SBNO1: variants seen among roughly 807,000 people sequenced by gnomAD.
SBNO1 encodes strawberry notch homolog 1, also known as protein strawberry notch homolog 1.
A neutral mutation model predicts 173.6 loss-of-function variants in SBNO1; 23 were observed. The observed-to-expected ratio is 0.13, with a 90% CI of 0.10 to 0.19. The LOEUF (loss-of-function observed/expected upper bound fraction) is 0.19. Among genes scored for constraint, SBNO1 ranks in the 10% least tolerant of loss-of-function variants. The pLI is 1.00. For synonymous variants in SBNO1, 632 were observed against 571.5 expected, an observed-to-expected ratio of 1.11 and a Z score of -1.51; for missense variants, 1,238 against 1,671.2, an observed-to-expected ratio of 0.74 and a Z score of 4.52.
chr12:123,352,947 G>A (rs1265783793), intron 1 of SBNO1, among the ~76,000 whole-genome samples: 3 of 152,186 alleles, frequency 2.0e-5, no homozygotes, highest in African/African-American at 4.8e-5. Context: ...ACAGCCGCCC[G>A]CCACCATGCC....
chr12:123,338,903 CACACACACG>C (rs1872194564), intron 5 of SBNO1, among the ~76,000 whole-genome samples: 1 of 142,744 alleles, frequency 7.0e-6, no homozygotes, highest in Non-Finnish European at 1.5e-5. Context: ...GACACACACA[CACACACACG>C]CCCCCCCCCC....
At chr12:123,324,683 C>T (rs1870404103) in intron 15 of SBNO1, among the ~76,000 whole-genome samples, 1 of 152,094 alleles carries the variant, frequency 6.6e-6, no homozygotes, top group Non-Finnish European at 1.5e-5. Flanking sequence ...GTTTATTTTG[C>T]TCAGTTTACT....
At chr12:123,330,942 C>T (rs565884301) in intron 8 of SBNO1, among the ~76,000 whole-genome samples, 1 of 152,086 alleles carries the variant, frequency 6.6e-6, no homozygotes, top group African/African-American at 2.4e-5. Flanking sequence ...CGGATCCCAT[C>T]CCCACATGCT....
At chr12:123,331,497 CTT>C in intron 7 of SBNO1, 122 bp from the exon 8 acceptor site, 1 of 880,646 alleles carries the variant, frequency 1.1e-6, no homozygotes, top group East Asian at 2.8e-5. Context: ...TATTTTGTGA[CTT>C]TATTTTTACA....
chr12:123,343,034 G>A (rs771068774), intron 4 of SBNO1, among the ~76,000 whole-genome samples: 5 of 152,172 alleles, frequency 3.3e-5, no homozygotes, highest in Admixed American at 2.0e-4. Flanking sequence ...TTGAGGTCAG[G>A]AGTTCAAGAT....
intron 30 of SBNO1, among the ~76,000 whole-genome samples, chr12:123,301,196 C>T (rs756635025): frequency 3.9e-4 from 59 of 151,928 alleles, no homozygotes; most frequent in Non-Finnish European, 6.6e-4. Flanking sequence ...TTAGTAGAGA[C>T]GTGGTTTCAC....
At chr12:123,323,515 C>T (rs932577546) in intron 16 of SBNO1, among the ~76,000 whole-genome samples, 165 bp downstream of exon 16, 6 of 151,938 alleles carry the variant, frequency 3.9e-5, no homozygotes, top group Admixed American at 6.6e-5. Flanking sequence ...CCACGATGCC[C>T]GGCTAATTTT....
At chr12:123,338,903 C>T (rs71444572) in intron 5 of SBNO1, among the ~76,000 whole-genome samples, 130,454 of 142,828 alleles carry the variant, frequency 0.91, 59,387 homozygotes, top group Middle Eastern at 0.95. Context: ...GACACACACA[C>T]ACACACACGC....
At chr12:123,359,775 A>C (rs1249249015) in intron 1 of SBNO1, among the ~76,000 whole-genome samples, 1 of 152,154 alleles carries the variant, frequency 6.6e-6, no homozygotes, top group Non-Finnish European at 1.5e-5. Flanking sequence ...CTTTCCACTT[A>C]AGGAAATTTC....
intron 1 of SBNO1, among the ~76,000 whole-genome samples, chr12:123,359,710 G>A (rs2139106061): frequency 6.6e-6 from 1 of 152,114 alleles, no homozygotes. Context: ...AATTTGATAG[G>A]TTTCATACCA....
intron 28 of SBNO1, among the ~76,000 whole-genome samples, chr12:123,308,532 C>T (rs570479598): frequency 2.6e-4 from 39 of 151,722 alleles, no homozygotes; most frequent in Admixed American, 2.5e-3. Context: ...ATTAGCCAGG[C>T]GTGGTGGCAG....
At chr12:123,358,795 G>T (rs1040766672) in intron 1 of SBNO1, among the ~76,000 whole-genome samples, 1 of 150,282 alleles carries the variant, frequency 6.7e-6, no homozygotes, top group Non-Finnish European at 1.5e-5. Context: ...TACAACAAAG[G>T]GAGCTTGGAA....
intron 28 of SBNO1, among the ~76,000 whole-genome samples, chr12:123,305,733 A>G (rs938340340): frequency 1.3e-5 from 2 of 152,160 alleles, no homozygotes; most frequent in Non-Finnish European, 1.5e-5. Flanking sequence ...CCGGCCTCCC[A>G]AAGTGCTAGG....
At chr12:123,320,676 A>G in intron 18 of SBNO1, 23 bp downstream of exon 18, 1 of 1,594,706 alleles carries the variant, frequency 6.3e-7, no homozygotes, top group Admixed American at 1.8e-5. Flanking sequence ...AGTATTTCAA[A>G]AAGGAAGTTT....
intron 30 of SBNO1, among the ~76,000 whole-genome samples, chr12:123,299,009 G>A (rs1340648421): frequency 6.6e-6 from 1 of 151,964 alleles, no homozygotes; most frequent in Non-Finnish European, 1.5e-5. Flanking sequence ...GACAGCTTGA[G>A]ACCAGGAGTT....
At position 123,364,842 on chromosome 12, in the gene SBNO1, G is replaced by GC; in HGVS notation, c.-143dup. ...CCTACCTCCCCGCCGCCATCTTGACGCCCCTCCCCCAGCCCCCCCGCCCCG... is the reference window on the plus strand; with the variant it reads ...CCTACCTCCCCGCCGCCATCTTGACGCCCCCTCCCCCAGCCCCCCCGCCCCG... On this transcript the variant is annotated 5_prime_UTR_variant, in exon 1 of 32. Transcript: ENST00000602398. 2 of 930,376 alleles carry GC rather than the reference G, an allele frequency of 2.1e-6. No homozygotes were observed. Among genetic ancestry groups the GC allele is most frequent in the Non-Finnish European group, 2.6e-6 (2 of 780,414 alleles). 57.6% of individuals were successfully genotyped at this position (930,376 alleles called of 1,614,324 possible).
At position 123,325,509 on chromosome 12, in the gene SBNO1, T is replaced by C; in HGVS notation, c.1966A>G (p.Thr656Ala). 1 of 1,608,786 alleles carries C rather than the reference T, an allele frequency of 6.2e-7. No homozygotes were observed. The highest frequency in any genetic ancestry group is 8.5e-7 in the Non-Finnish European group (1 of 1,175,590). ...AAAGAACAAAAACATTACTTGGCAG[T>C]TGAAACAAAATCATTCAATTCTCCC... Reference protein sequence around the residue: ...GGGELNDFVSTAKGVLQSLIE... With the variant: ...GGGELNDFVSAAKGVLQSLIE... Residue 656 changes from threonine to alanine, a missense_variant, in exon 15 of 32, where the codon ACT (threonine) becomes GCT (alanine). By Grantham distance (58) the Thr-to-Ala change is moderately conservative. This residue lies in a region of SBNO1 where 182 missense variants were observed against 339.9 expected (regional missense o/e 0.54). Transcript: ENST00000602398.
At chr12:123,338,607 C>G (rs1056354314) in intron 5 of SBNO1, among the ~76,000 whole-genome samples, 2 of 152,004 alleles carry the variant, frequency 1.3e-5, no homozygotes, top group Non-Finnish European at 1.5e-5. Context: ...ATTGCTTGAG[C>G]CCGGGAAGGG....
intron 25 of SBNO1, 82 bp downstream of exon 25, chr12:123,310,973 C>A (rs1465720576): frequency 2.9e-6 from 3 of 1,032,948 alleles, no homozygotes; most frequent in African/African-American, 3.2e-5. Flanking sequence ...TGAAGCTTCC[C>A]CTTCAGCTCA....
Sources: allele counts gnomAD v4.1 joint callset (sites outside exome capture counted in the v4.1 genomes callset), GRCh38; gene constraint gnomAD v4.1.1; regional missense constraint gnomAD v4.1.1; transcripts MANE v1.5; gene names NCBI Gene and HGNC (gene_info 2026-07-23, HGNC 2026-07-21).